Variants in FGF18 observed in about 807,000 individuals in gnomAD.
FGF18 encodes the protein fibroblast growth factor 18.
A neutral mutation model predicts 23.0 loss-of-function variants in FGF18; 5 were observed. That is an observed-to-expected ratio of 0.22 (90% CI 0.11 to 0.46). The LOEUF is 0.46. Among genes scored for constraint, FGF18 ranks in the 20% least tolerant of loss-of-function variants. The pLI, the probability that FGF18 is intolerant of heterozygous loss-of-function variation, is 0.99. For missense variants in FGF18, 180 were observed against 291.6 expected (o/e 0.62, Z 2.79); for synonymous variants, 117 against 118.9 (o/e 0.98, Z 0.10).
intron 4 of FGF18, among the ~76,000 whole-genome samples, chr5:171,450,472 C>T (rs965727013): frequency 1.5e-4 from 23 of 152,296 alleles, no homozygotes; most frequent in African/African-American, 5.3e-4. Flanking sequence ...ATCCCCATTC[C>T]ACAGATGAGG....
intron 2 of FGF18, among the ~76,000 whole-genome samples, chr5:171,430,256 G>T (rs1250444280): frequency 1.3e-5 from 2 of 151,530 alleles, no homozygotes; most frequent in East Asian, 2.0e-4. Context: ...TACTCCAGAG[G>T]CTGAGGCGGG....
At chr5:171,432,359 T>TTTCTTCTTC in intron 2 of FGF18, among the ~76,000 whole-genome samples, 1 of 151,492 alleles carries the variant, frequency 6.6e-6, no homozygotes, top group South Asian at 2.1e-4. Context: ...TGGGGGTCAT[T>TTTCTTCTTC]TTCTTCTTCT....
At chr5:171,430,777 A>G (rs1772169445) in intron 2 of FGF18, among the ~76,000 whole-genome samples, 1 of 136,878 alleles carries the variant, frequency 7.3e-6, no homozygotes, top group Non-Finnish European at 1.5e-5. Flanking sequence ...CCTGGGCGAC[A>G]GAGCAAGACT....
Position 171,436,285 on chromosome 5 carries a change from C to A in FGF18, c.250+12C>A. 1 of 1,538,286 alleles carries A rather than the reference C, an allele frequency of 6.5e-7. No homozygotes were observed. Among genetic ancestry groups the A allele is most frequent in the Non-Finnish European group, 8.8e-7 (1 of 1,137,274 alleles). On this transcript the variant is annotated intron_variant, in intron 3 of 4. Coordinates refer to ENST00000274625, the MANE Select transcript of FGF18 (RefSeq NM_003862.3). The surrounding 1 kb of genome is among the most constrained non-coding windows in gnomAD (Gnocchi z 4.4). ...TGGGGACAAGTATGGTATGTGCCAA[C>A]CCTCTCCTCCTACTCCGTGTACCCG...
At chr5:171,452,863 T>C (rs1318540572) in intron 4 of FGF18, among the ~76,000 whole-genome samples, 1 of 152,132 alleles carries the variant, frequency 6.6e-6, no homozygotes, top group Non-Finnish European at 1.5e-5. Context: ...GGGGCTTATA[T>C]AGCAAACAAC....
intron 3 of FGF18, among the ~76,000 whole-genome samples, chr5:171,443,500 CATTTTTTTTTTTTTTTT>C (rs1269696585): frequency 2.8e-5 from 2 of 70,468 alleles, no homozygotes; most frequent in African/African-American, 8.4e-5. Context: ...CTGTTATCAT[CATTTTTTTTTTTTTTTT>C]TTTTTTTTTT....
chr5:171,454,607 A>C (rs1772557019), intron 4 of FGF18, among the ~76,000 whole-genome samples: 1 of 152,168 alleles, frequency 6.6e-6, no homozygotes, highest in Non-Finnish European at 1.5e-5. Flanking sequence ...CTTTCTGCAA[A>C]GTTCAGCACT....
rs187782141 is a variant in FGF18 at position 171,442,449 on chromosome 5, C to T, written c.250+6176C>T. On this transcript the variant is annotated intron_variant, in intron 3 of 4. Coordinates refer to ENST00000274625, the MANE Select transcript of FGF18 (RefSeq NM_003862.3). ...AGGATGGTTCTTCACTGGGGGAAGA[C>T]GCCTGGAGAGCAGCCAGCAGCTCTG... 3.1e-3 allele frequency among the ~76,000 whole-genome samples: 471 copies of T among 152,284 alleles called. 4 individuals carry two copies. The highest frequency in any genetic ancestry group is 0.011 in the African/African-American group (447 of 41,550).
In FGF18 at chr5:171,436,364, G is replaced by A; in HGVS notation, c.250+91G>A. The stretch of plus-strand genomic sequence containing the variant: ...CTCAAGTTCAAATGCCAGCCTTGCT[G>A]CTCCTGGCTGTGTGATCTTGGACCT... On this transcript the variant is annotated intron_variant, in intron 3 of 4. Coordinates refer to ENST00000274625, the MANE Select transcript of FGF18 (RefSeq NM_003862.3). This position sits in a 1 kb window ranked among gnomAD's most constrained non-coding sequence, Gnocchi z 4.4. 1 of 1,088,462 alleles carries A rather than the reference G, an allele frequency of 9.2e-7. No individual in the cohort carries two copies. The allele number at this position is 1,088,462 out of a possible 1,614,324, so 67.4% of individuals were successfully genotyped here. A position where few individuals can be genotyped will look rare whatever the true frequency, so the allele number is the denominator to read the frequency against.
chr5:171,425,942 G>A (rs1462957406), intron 2 of FGF18, among the ~76,000 whole-genome samples: 1 of 152,166 alleles, frequency 6.6e-6, no homozygotes, highest in African/African-American at 2.4e-5. Context: ...ACCTGCGTTT[G>A]GTCACATAGC....
intron 2 of FGF18, among the ~76,000 whole-genome samples, chr5:171,430,811 A>C (rs997529121): frequency 1.8e-5 from 2 of 109,960 alleles, no homozygotes; most frequent in African/African-American, 5.7e-5. Context: ...AAAAAAAAAA[A>C]AAAAAGAAAA....
intron 4 of FGF18, among the ~76,000 whole-genome samples, chr5:171,452,510 C>G (rs766376370): frequency 1.4e-4 from 22 of 152,176 alleles, no homozygotes; most frequent in Non-Finnish European, 2.5e-4. Context: ...GTCCCCAGCC[C>G]CTGCATGTTC....
intron 2 of FGF18, among the ~76,000 whole-genome samples, chr5:171,429,334 A>T (rs1473808988): frequency 2.0e-5 from 3 of 152,232 alleles, no homozygotes; most frequent in African/African-American, 7.2e-5. Flanking sequence ...TAATAGTTTC[A>T]GCTGCTCAGG....
rs536995088 is a variant in FGF18 at position 171,456,270 on chromosome 5, C to G, written c.358-269C>G. On this transcript the variant is annotated intron_variant, in intron 4 of 4. Transcript: ENST00000274625. The surrounding 1 kb of genome is among the most constrained non-coding windows in gnomAD (Gnocchi z 6.1). ...TCTGGTCACCCTGGCCTGTCCTCAG[C>G]AAAGTCTCTGTTAGGTGGCTTTAGC... Among the ~76,000 whole-genome samples, 1 of 152,206 alleles carries G rather than the reference C, an allele frequency of 6.6e-6. No individual in the cohort carries two copies. Among genetic ancestry groups the G allele is most frequent in the East Asian group, 1.9e-4 (1 of 5,186 alleles).
rs567490644 is a variant in FGF18, at chr5:171,441,467, G to T, written c.250+5194G>T. On this transcript the variant is annotated intron_variant, in intron 3 of 4. Transcript: ENST00000274625. ...TCCCGTGAACACCCAAGCACTGTCC[G>T]TCTGCGGGCCTTTGCATTTGCTGTC... 7.2e-5 allele frequency among the ~76,000 whole-genome samples: 11 copies of T among 152,294 alleles called. 1 individual carries two copies. In the South Asian group the frequency reaches 2.3e-3, roughly 32 times the overall value.
chr5:171,448,602 C>G (rs986259786), intron 3 of FGF18, among the ~76,000 whole-genome samples: 6 of 152,022 alleles, frequency 3.9e-5, no homozygotes, highest in Non-Finnish European at 7.4e-5. Flanking sequence ...TGGCATCTGT[C>G]CTGATTTGGG....
In FGF18 at chr5:171,419,822, C is replaced by T; in HGVS notation, c.-378C>T. ...GGGCCGGAGAGCGCAACTCGGCTTC[C>T]AGACCCGCCGCGCATGCTGTCCCCG... is the stretch of plus-strand genomic sequence containing the variant. On this transcript the variant is annotated 5_prime_UTR_variant, in exon 1 of 5. Transcript: ENST00000274625. 1 of 152,120 alleles carries T rather than the reference C, an allele frequency of 6.6e-6. No individual in the cohort carries two copies. Among genetic ancestry groups the T allele is most frequent in the Non-Finnish European group, 1.5e-5 (1 of 68,242 alleles). 9.4% of individuals were successfully genotyped at this position (152,120 alleles called of 1,614,324 possible). A position where few individuals can be genotyped will look rare whatever the true frequency, so the allele number is the denominator to read the frequency against.
At chr5:171,443,843 C>T (rs80232002) in intron 3 of FGF18, among the ~76,000 whole-genome samples, 16,180 of 152,184 alleles carry the variant, frequency 0.11, 895 homozygotes, top group East Asian at 0.15. Context: ...CTCCTTGGCC[C>T]CAGCCCTGGG....
intron 2 of FGF18, among the ~76,000 whole-genome samples, chr5:171,422,794 T>A (rs1772034948): frequency 6.6e-6 from 1 of 152,292 alleles, no homozygotes; most frequent in South Asian, 2.1e-4. Flanking sequence ...CCTCTCTACA[T>A]GGCAGGAAGG....
Sources: allele counts gnomAD v4.1 joint callset (sites outside exome capture counted in the v4.1 genomes callset), GRCh38; gene constraint gnomAD v4.1.1; non-coding constraint Gnocchi (gnomAD v3.1); transcripts MANE v1.5; gene names NCBI Gene and HGNC (gene_info 2026-07-23, HGNC 2026-07-21).